PYROXD1: variants seen among roughly 807,000 people sequenced by gnomAD.
PYROXD1 encodes tRNA ligase complex-associated NAD(P)H dehydrogenase PYROXD1.
A neutral mutation model predicts 62.0 loss-of-function variants in PYROXD1; 42 were observed. That is an observed-to-expected ratio of 0.68 (90% confidence interval 0.53 to 0.88). The LOEUF (loss-of-function observed/expected upper bound fraction) is 0.88, where lower values mean the gene tolerates loss of function less well. Ranked by LOEUF, PYROXD1 falls within the 40% of genes least tolerant of loss-of-function variation. The pLI is 0.00. For missense variants in PYROXD1, 493 were observed against 604.8 expected (o/e 0.82, Z 1.94); for synonymous variants, 170 against 206.4 (o/e 0.82, Z 1.51).
intron 3 of PYROXD1, among the ~76,000 whole-genome samples, chr12:21,446,830 A>G (rs1942398956): frequency 6.6e-6 from 1 of 151,878 alleles, no homozygotes; most frequent in South Asian, 2.1e-4. Flanking sequence ...TGGGAAGATC[A>G]CCTGAGCCTG....
chr12:21,447,638 G>T (rs1451652250), intron 3 of PYROXD1: 4 of 172,802 alleles, frequency 2.3e-5, no homozygotes. Context: ...TTCAGGTGCA[G>T]TTGGGAATTC....
chr12:21,464,415 A>G (rs1942754135), intron 10 of PYROXD1, among the ~76,000 whole-genome samples: 1 of 151,918 alleles, frequency 6.6e-6, no homozygotes, highest in South Asian at 2.1e-4. Flanking sequence ...CATCAAATCT[A>G]TAATACCTTG....
chr12:21,465,809 G>GTT (rs1942783111), intron 10 of PYROXD1, among the ~76,000 whole-genome samples: 3 of 151,812 alleles, frequency 2.0e-5, no homozygotes, highest in Non-Finnish European at 4.4e-5. Flanking sequence ...GGTCTAACAT[G>GTT]TAAGTCTTTA....
chr12:21,453,126 A>G (rs1437383632), intron 5 of PYROXD1, among the ~76,000 whole-genome samples: 2 of 152,090 alleles, frequency 1.3e-5, no homozygotes, highest in Admixed American at 6.6e-5. Flanking sequence ...ATCCTTGTGT[A>G]TAGTATATAC....
chr12:21,438,723 ATAAAG>A (rs1162382728), intron 1 of PYROXD1, among the ~76,000 whole-genome samples: 2 of 152,246 alleles, frequency 1.3e-5, no homozygotes, highest in African/African-American at 4.8e-5. Context: ...TTTTGTTGAT[ATAAAG>A]TAAACATGAG....
chr12:21,465,122 A>G (rs1049405955), intron 10 of PYROXD1, among the ~76,000 whole-genome samples: 1 of 152,178 alleles, frequency 6.6e-6, no homozygotes, highest in African/African-American at 2.4e-5. Flanking sequence ...TAGTGCCGCT[A>G]TAAACATACG....
Position 21,467,869 on chromosome 12 carries a change from A to G in PYROXD1, c.1254+251A>G, listed in dbSNP as rs561257479. ...AAAAAAATTTCTCTCTAGATCTGTTACTTGTTGGTGCATTTTTAACTTTTA... is the reference window on the plus strand; with the variant it reads ...AAAAAAATTTCTCTCTAGATCTGTTGCTTGTTGGTGCATTTTTAACTTTTA... On this transcript the variant is annotated intron_variant, in intron 11 of 11. Coordinates refer to ENST00000240651, the MANE Select transcript of PYROXD1 (RefSeq NM_024854.5). 2.0e-5 allele frequency among the ~76,000 whole-genome samples: 3 copies of G among 151,944 alleles called. No homozygotes were observed. The South Asian group carries it at 6.2e-4, about 32-fold the overall frequency.
In PYROXD1 at chr12:21,468,490, T is replaced by G; in HGVS notation, c.1255-16T>G. 1 of 1,602,104 alleles carries G rather than the reference T, an allele frequency of 6.2e-7. No individual in the cohort carries two copies. Among genetic ancestry groups the G allele is most frequent in the Non-Finnish European group, 8.5e-7 (1 of 1,171,256 alleles). The stretch of plus-strand genomic sequence containing the variant: ...TATGATACTCATGACAATAACCTTT[T>G]TATCTCTAAATATAGGTTGTACTGC... On this transcript the variant is annotated splice_polypyrimidine_tract_variant and intron_variant, in intron 11 of 11. Coordinates refer to ENST00000240651, the MANE Select transcript of PYROXD1 (RefSeq NM_024854.5).
At chr12:21,442,002 T>C (rs973357821) in intron 2 of PYROXD1, among the ~76,000 whole-genome samples, 14 of 152,220 alleles carry the variant, frequency 9.2e-5, no homozygotes, top group African/African-American at 3.4e-4. Flanking sequence ...TGTTGAAGAT[T>C]GCAGGGATCC....
chr12:21,466,697 A>G (rs12831608), intron 10 of PYROXD1, among the ~76,000 whole-genome samples: 1 of 151,814 alleles, frequency 6.6e-6, no homozygotes, highest in Non-Finnish European at 1.5e-5. Flanking sequence ...TTCCAACACT[A>G]TGTTGAATAG....
In PYROXD1 at chr12:21,469,254, C is replaced by A. The variant is rs1942866199; in HGVS notation, c.*500C>A. 1 of 155,876 alleles carries A rather than the reference C, an allele frequency of 6.4e-6. No homozygotes were observed. The allele number at this position is 155,876 out of a possible 1,614,324, so 9.7% of individuals were successfully genotyped here. On this transcript the variant is annotated 3_prime_UTR_variant, in exon 12 of 12. Coordinates refer to ENST00000240651, the MANE Select transcript of PYROXD1 (RefSeq NM_024854.5). ...TGAATTGTACTTCTGGTTTTATAAC[C>A]TGAAATCATCTACAAGCTTGTCCAA...
intron 10 of PYROXD1, among the ~76,000 whole-genome samples, chr12:21,463,128 T>C (rs867196655): frequency 1.3e-4 from 15 of 113,808 alleles, no homozygotes; most frequent in Middle Eastern, 0.011. Context: ...TTATCAGCAC[T>C]GTCCAGGAGA....
At chr12:21,463,759 TAG>T (rs976171060) in intron 10 of PYROXD1, among the ~76,000 whole-genome samples, 1 of 151,640 alleles carries the variant, frequency 6.6e-6, no homozygotes, top group South Asian at 2.1e-4. Flanking sequence ...CAACTGGATC[TAG>T]ACTTTTTCCT....
chr12:21,448,298 G>A lies in PYROXD1; in HGVS notation c.286-1265G>A, dbSNP rs367752771. 4.4e-5 allele frequency: 15 copies of A among 338,268 alleles called. 1 individual carries two copies. In the South Asian group the frequency reaches 5.7e-4, roughly 13 times the overall value. The allele number at this position is 338,268 out of a possible 1,614,324, so 21.0% of individuals were successfully genotyped here. ...CTAGTGAGGCGAGGACGCAGAGTGT[G>A]TGGCTCACTTCCGTCTGGAGAAGTG... On this transcript the variant is annotated intron_variant, in intron 3 of 11. Transcript: ENST00000240651.
intron 7 of PYROXD1, among the ~76,000 whole-genome samples, chr12:21,456,511 T>C (rs1942600141): frequency 6.6e-6 from 1 of 152,192 alleles, no homozygotes; most frequent in South Asian, 2.1e-4. Flanking sequence ...TGTCTAAAAA[T>C]ACAATGCACA....
At chr12:21,445,552 C>T in intron 3 of PYROXD1, 86 bp downstream of exon 3, 3 of 1,285,308 alleles carry the variant, frequency 2.3e-6, no homozygotes, top group Non-Finnish European at 3.1e-6. Context: ...AGCTCTACTA[C>T]CACCACCATT....
At position 21,445,466 on chromosome 12, in the gene PYROXD1, C is replaced by G. The variant is rs757097924; in HGVS notation, c.285C>G (p.His95Gln). ...SGVKQLKSEEHCIVTEDGNQH... is the reference protein window; with the variant it reads ...SGVKQLKSEEQCIVTEDGNQH... ...TAAAGCAACTGAAGAGTGAAGAACA[C>G]GTAAGATAATTGTTTTCTTAATAAC... The change falls in exon 3 of 12, where the codon CAC becomes CAG. Residue 95 changes from histidine (H) to glutamine (Q), a missense_variant and splice_region_variant. Coordinates refer to ENST00000240651, the MANE Select transcript of PYROXD1 (RefSeq NM_024854.5). 9 of 1,581,722 alleles carry G rather than the reference C, an allele frequency of 5.7e-6. No individual in the cohort carries two copies. Among genetic ancestry groups the G allele is most frequent in the African/African-American group, 2.7e-5 (2 of 72,962 alleles).
chr12:21,440,931 C>T (rs1434987515), intron 2 of PYROXD1, among the ~76,000 whole-genome samples: 10 of 151,918 alleles, frequency 6.6e-5, no homozygotes, highest in African/African-American at 2.2e-4. Context: ...GATTTTTGTC[C>T]TTTGTTCTGT....
chr12:21,446,850 G>A (rs1942399392), intron 3 of PYROXD1, among the ~76,000 whole-genome samples: 2 of 152,044 alleles, frequency 1.3e-5, no homozygotes, highest in Admixed American at 1.3e-4. Flanking sequence ...GGGAGTTCAA[G>A]GCTGCAGTTA....
Sources: allele counts gnomAD v4.1 joint callset (sites outside exome capture counted in the v4.1 genomes callset), GRCh38; gene constraint gnomAD v4.1.1; transcripts MANE v1.5; gene names NCBI Gene and HGNC (gene_info 2026-07-23, HGNC 2026-07-21).